Variants in CHL1 observed in about 807,000 individuals in gnomAD.
CHL1 encodes neural cell adhesion molecule L1-like protein.
CHL1 carries 96 observed loss-of-function variants against 141.9 expected under a neutral mutation model. The ratio of observed to expected loss-of-function variants is 0.68; its 90% CI spans 0.57 to 0.80. CHL1 has a LOEUF of 0.80. Among genes scored for constraint, CHL1 ranks in the 30% least tolerant of loss-of-function variants. CHL1 has a pLI of 0.00. For synonymous variants in CHL1, 613 were observed against 502.2 expected (o/e 1.22, Z -2.95); for missense variants, 1,820 against 1,457.2 (o/e 1.25, Z -4.05).
At chr3:319,206 A>C (rs2125032392) in intron 2 of CHL1, among the ~76,000 whole-genome samples, 1 of 151,440 alleles carries the variant, frequency 6.6e-6, no homozygotes, top group East Asian at 1.9e-4. Flanking sequence ...ATAATAGAAT[A>C]ATTGTGGACT....
chr3:285,541 C>T (rs974177638), intron 2 of CHL1, among the ~76,000 whole-genome samples: 3 of 152,156 alleles, frequency 2.0e-5, no homozygotes, highest in African/African-American at 4.8e-5. Flanking sequence ...AATTCACAGG[C>T]TCACAAGTCT....
At position 365,667 on chromosome 3, in the gene CHL1, G is replaced by A. The variant is rs371693507; in HGVS notation, c.1586-283G>A. On this transcript the variant is annotated intron_variant, in intron 14 of 27. Coordinates refer to ENST00000256509, the MANE Select transcript of CHL1 (RefSeq NM_006614.4). ...GAAATTATGTTATTTTCAACTTCTA[G>A]AGACATTTGTTTGCTTATACTTTGC... 1.4e-4 allele frequency among the ~76,000 whole-genome samples: 22 copies of A among 152,134 alleles called. 1 individual carries two copies. Among genetic ancestry groups the A allele is most frequent in the Non-Finnish European group, 2.9e-4 (20 of 68,020 alleles).
intron 2 of CHL1, among the ~76,000 whole-genome samples, chr3:317,725 TTAATAA>T (rs1433525459): frequency 6.6e-6 from 1 of 151,614 alleles, no homozygotes; most frequent in Non-Finnish European, 1.5e-5. Flanking sequence ...AATTTTCATA[TTAATAA>T]TAGCTACATG....
At chr3:230,057 C>A (rs1478690393) in intron 1 of CHL1, among the ~76,000 whole-genome samples, 1 of 152,140 alleles carries the variant, frequency 6.6e-6, no homozygotes, top group Non-Finnish European at 1.5e-5. Context: ...AAAGTGGGTA[C>A]TTAAAATGTG....
At position 239,595 on chromosome 3, in the gene CHL1, A is replaced by ATATATATATATATATATATAT. The variant is rs5845955; in HGVS notation, c.-174-5018_-174-5017insTATATATATATATATATATAT. 2.4e-3 allele frequency among the ~76,000 whole-genome samples: 351 copies of ATATATATATATATATATATAT among 146,190 alleles called. 2 individuals are homozygous for ATATATATATATATATATATAT. Among genetic ancestry groups the ATATATATATATATATATATAT allele is most frequent in the African/African-American group, 5.1e-3 (205 of 39,876 alleles). On this transcript the variant is annotated intron_variant, in intron 1 of 27. Coordinates refer to ENST00000256509, the MANE Select transcript of CHL1 (RefSeq NM_006614.4). ...TAATTCATCTAAACAGTATATATATAAAATATATATATTTTAAAATTATTT... is the reference window on the plus strand; with the variant it reads ...TAATTCATCTAAACAGTATATATATATATATATATATATATATATATAAATATATATATTTTAAAATTATTT...
At chr3:397,729 C>T (rs751489326) in intron 24 of CHL1, among the ~76,000 whole-genome samples, 12 of 152,040 alleles carry the variant, frequency 7.9e-5, no homozygotes, top group East Asian at 1.9e-4. Flanking sequence ...CTGCATTTCA[C>T]GTAGTTTGGA....
chr3:377,788 C>G, intron 15 of CHL1, 30 bp from the exon 16 acceptor site: 1 of 1,558,650 alleles, frequency 6.4e-7, no homozygotes, highest in South Asian at 1.2e-5. Context: ...TGTTTTCCTT[C>G]TCATCATGTA....
intron 2 of CHL1, among the ~76,000 whole-genome samples, chr3:272,546 G>A (rs1446856641): frequency 6.6e-6 from 1 of 152,192 alleles, no homozygotes; most frequent in African/African-American, 2.4e-5. Flanking sequence ...GTACACTAGT[G>A]TATTAGCCTA....
At chr3:266,500 CTCCTT>C (rs943383981) in intron 2 of CHL1, among the ~76,000 whole-genome samples, 1 of 152,174 alleles carries the variant, frequency 6.6e-6, no homozygotes, top group Non-Finnish European at 1.5e-5. Context: ...AGCAAACTGA[CTCCTT>C]TCCTGAGGTA....
rs879327324 is a variant in CHL1 at position 407,149 on chromosome 3, G to A, written c.*1438G>A. The A allele has an allele frequency of 1.3e-5, 2 of 152,054 alleles. No homozygotes were observed. Among genetic ancestry groups the A allele is most frequent in the African/African-American group, 4.8e-5 (2 of 41,404 alleles). The allele number at this position is 152,054 out of a possible 1,614,324, so 9.4% of individuals were successfully genotyped here. On this transcript the variant is annotated 3_prime_UTR_variant, in exon 28 of 28. Transcript: ENST00000256509. ...TGCATACATGTCGGTCAAGTTCAGC[G>A]CTCGACATTTTATGGAAAGATTTTT...
intron 14 of CHL1, chr3:363,802 A>T (rs1704537139): frequency 6.4e-6 from 1 of 156,926 alleles, no homozygotes; most frequent in South Asian, 1.9e-4. Flanking sequence ...AGGGTTTTTG[A>T]TCCTCTTTTT....
At chr3:222,109 A>C (rs924528748) in intron 1 of CHL1, among the ~76,000 whole-genome samples, 3 of 152,348 alleles carry the variant, frequency 2.0e-5, no homozygotes, top group Non-Finnish European at 4.4e-5. Flanking sequence ...ATGCTATATT[A>C]CTTGTATTAG....
chr3:241,902 G>C (rs1303807994), intron 1 of CHL1, among the ~76,000 whole-genome samples: 1 of 152,050 alleles, frequency 6.6e-6, no homozygotes, highest in African/African-American at 2.4e-5. Flanking sequence ...TATGTCAATG[G>C]TGGTGAGGGA....
chr3:357,680 C>T (rs1703839118), intron 11 of CHL1, among the ~76,000 whole-genome samples: 1 of 152,236 alleles, frequency 6.6e-6, no homozygotes, highest in African/African-American at 2.4e-5. Flanking sequence ...ACTTGGCCTT[C>T]TTGAATCCTG....
intron 2 of CHL1, among the ~76,000 whole-genome samples, chr3:271,021 G>A (rs1006678394): frequency 6.6e-6 from 1 of 152,158 alleles, no homozygotes; most frequent in Admixed American, 6.5e-5. Flanking sequence ...TGAATTCAAG[G>A]AGAGAGGTAT....
intron 1 of CHL1, among the ~76,000 whole-genome samples, chr3:220,427 T>A (rs1302961448): frequency 1.3e-5 from 2 of 152,110 alleles, no homozygotes; most frequent in East Asian, 3.8e-4. Flanking sequence ...GTGTCCAACC[T>A]TTTGACTACC....
At chr3:324,681 C>G (rs139887287) in intron 3 of CHL1, among the ~76,000 whole-genome samples, 1 of 151,608 alleles carries the variant, frequency 6.6e-6, no homozygotes, top group Non-Finnish European at 1.5e-5. Context: ...CTCTGTCACC[C>G]AGGCTCAAGC....
chr3:301,397 TG>T (rs1698716551), intron 2 of CHL1, among the ~76,000 whole-genome samples: 1 of 152,206 alleles, frequency 6.6e-6, no homozygotes, highest in South Asian at 2.1e-4. Context: ...TGTTCTGTGC[TG>T]CTTAAGAGAA....
At chr3:391,613 A>G in intron 22 of CHL1, 62 bp from the exon 23 acceptor site, 1 of 1,200,594 alleles carries the variant, frequency 8.3e-7, no homozygotes, top group Admixed American at 2.2e-5. Flanking sequence ...TTTATAATAT[A>G]ATAAGGCTTT....
Sources: gnomAD v4.1 joint callset for allele counts (sites outside exome capture counted in the v4.1 genomes callset) on GRCh38, gnomAD v4.1.1 for gene constraint, MANE v1.5 for transcripts, NCBI Gene and HGNC (gene_info 2026-07-23, HGNC 2026-07-21) for gene names.